CYRIA: variants seen among roughly 807,000 people sequenced by gnomAD.
The protein encoded by CYRIA is CYFIP-related Rac1 interactor A.
CYRIA carries 15 observed loss-of-function variants against 43.9 expected under a neutral mutation model. The ratio of observed to expected loss-of-function variants is 0.34; its 90% CI spans 0.23 to 0.53. The LOEUF (loss-of-function observed/expected upper bound fraction) is 0.53, where lower values mean the gene tolerates loss of function less well. CYRIA is among the 20% of genes least tolerant of loss of function. The pLI, the probability that CYRIA is intolerant of heterozygous loss-of-function variation, is 0.94. For synonymous variants in CYRIA, 117 were observed against 136.0 expected (o/e 0.86, Z 0.97); for missense variants, 236 against 394.2 (o/e 0.60, Z 3.40).
intron 1 of CYRIA, among the ~76,000 whole-genome samples, chr2:16,661,873 A>C (rs1670264593): frequency 6.6e-6 from 1 of 152,198 alleles, no homozygotes; most frequent in Non-Finnish European, 1.5e-5. Context: ...TAACTGTAAA[A>C]TGGGGACAAT....
At chr2:16,566,284 TTCA>T (rs1254681812) in intron 3 of CYRIA, among the ~76,000 whole-genome samples, 1 of 152,220 alleles carries the variant, frequency 6.6e-6, no homozygotes, top group African/African-American at 2.4e-5. Context: ...CATGACTCCT[TTCA>T]TCTTGTAAAA....
chr2:16,634,662 A>C (rs1669437070), intron 1 of CYRIA, among the ~76,000 whole-genome samples: 1 of 96,814 alleles, frequency 1.0e-5, no homozygotes, highest in Non-Finnish European at 1.7e-5. Context: ...TGATAAGGGC[A>C]TGTGTCTGGG....
chr2:16,643,611 A>G (rs1181949119), intron 1 of CYRIA, among the ~76,000 whole-genome samples: 1 of 152,236 alleles, frequency 6.6e-6, no homozygotes, highest in Non-Finnish European at 1.5e-5. Flanking sequence ...CATTACACAT[A>G]TATTCACACC....
chr2:16,552,791 G>A lies in CYRIA; in HGVS notation c.*145C>T, dbSNP rs1666360448. On this transcript the variant is annotated 3_prime_UTR_variant, in exon 12 of 12. Transcript: ENST00000381323. ...TGCTCTGCTGGGTTGAGTCAGTCAG[G>A]ATACAAATTAAGGTCCATATATTTC... 1 of 612,176 alleles carries A rather than the reference G, an allele frequency of 1.6e-6. No individual in the cohort carries two copies. Among genetic ancestry groups the A allele is most frequent in the Non-Finnish European group, 2.9e-6 (1 of 340,656 alleles). 37.9% of individuals were successfully genotyped at this position (612,176 alleles called of 1,614,324 possible). A position where few individuals can be genotyped will look rare whatever the true frequency, so the allele number is the denominator to read the frequency against.
At chr2:16,565,458 T>C (rs1392334196) in intron 4 of CYRIA, among the ~76,000 whole-genome samples, 188 bp downstream of exon 4, 1 of 152,180 alleles carries the variant, frequency 6.6e-6, no homozygotes, top group Non-Finnish European at 1.5e-5. Flanking sequence ...AGTACTGGGA[T>C]TATAGGCGTG....
At chr2:16,563,350 T>G (rs1666818422) in intron 5 of CYRIA, among the ~76,000 whole-genome samples, 1 of 152,124 alleles carries the variant, frequency 6.6e-6, no homozygotes, top group Non-Finnish European at 1.5e-5. Context: ...TATTTCAAGT[T>G]CTCTGTTTTC....
intron 2 of CYRIA, among the ~76,000 whole-genome samples, chr2:16,608,763 C>G (rs1668496509): frequency 6.6e-6 from 1 of 152,174 alleles, no homozygotes; most frequent in Non-Finnish European, 1.5e-5. Flanking sequence ...CCTTGCATTT[C>G]AAAAATTGCA....
intron 2 of CYRIA, among the ~76,000 whole-genome samples, chr2:16,605,115 C>A (rs147551438): frequency 8.8e-4 from 67 of 76,136 alleles, no homozygotes; most frequent in Admixed American, 3.9e-3. Context: ...TAAGGCAATT[C>A]ACGGGAATTC....
intron 6 of CYRIA, 23 bp from the exon 7 acceptor site, chr2:16,561,556 G>A (rs1031413652): frequency 1.5e-5 from 24 of 1,587,266 alleles, no homozygotes; most frequent in African/African-American, 1.5e-4. Flanking sequence ...GGACAAGAGC[G>A]AAGGTCATCT....
rs1397244035 is a variant in CYRIA, at chr2:16,565,779, G to A, written c.71-12C>T. 1 of 1,551,016 alleles carries A rather than the reference G, an allele frequency of 6.4e-7. No homozygotes were observed. The highest frequency in any genetic ancestry group is 2.3e-5 in the East Asian group (1 of 43,306). ...TGTAGGCTGAGCATCTAAGAAACAG[G>A]GAAACCGAGAGACAGAGTGCTGGTG... On this transcript the variant is annotated splice_polypyrimidine_tract_variant and intron_variant, in intron 3 of 11. Coordinates refer to ENST00000381323, the MANE Select transcript of CYRIA (RefSeq NM_030797.4).
intron 2 of CYRIA, among the ~76,000 whole-genome samples, chr2:16,609,275 A>C (rs1277386070): frequency 6.6e-6 from 1 of 152,198 alleles, no homozygotes; most frequent in Non-Finnish European, 1.5e-5. Context: ...AAAGCACACA[A>C]GGGGGACCCC....
chr2:16,570,370 C>A (rs1667084640), intron 3 of CYRIA, among the ~76,000 whole-genome samples: 1 of 152,120 alleles, frequency 6.6e-6, no homozygotes, highest in Admixed American at 6.5e-5. Context: ...TGATCTACGG[C>A]CTGAATGTCT....
intron 3 of CYRIA, among the ~76,000 whole-genome samples, chr2:16,569,229 T>G (rs1423010198): frequency 6.6e-6 from 1 of 152,162 alleles, no homozygotes; most frequent in African/African-American, 2.4e-5. Context: ...AACAAATACC[T>G]TCCATCCTAC....
intron 1 of CYRIA, among the ~76,000 whole-genome samples, chr2:16,664,930 C>G (rs1025160652): frequency 6.6e-6 from 1 of 152,230 alleles, no homozygotes; most frequent in African/African-American, 2.4e-5. Flanking sequence ...GACCTGGCAC[C>G]CCCAAAACAG....
chr2:16,661,789 A>G (rs1484897660), intron 1 of CYRIA, among the ~76,000 whole-genome samples: 1 of 152,188 alleles, frequency 6.6e-6, no homozygotes, highest in African/African-American at 2.4e-5. Context: ...AGCAGAACCT[A>G]GCTTTAAATT....
At chr2:16,659,419 G>T (rs1670191956) in intron 1 of CYRIA, among the ~76,000 whole-genome samples, 1 of 152,228 alleles carries the variant, frequency 6.6e-6, no homozygotes, top group Non-Finnish European at 1.5e-5. Flanking sequence ...ACGTTCTTCA[G>T]AAGATTGCTA....
At chr2:16,620,916 C>T (rs908973143) in intron 2 of CYRIA, among the ~76,000 whole-genome samples, 1 of 152,310 alleles carries the variant, frequency 6.6e-6, no homozygotes, top group Non-Finnish European at 1.5e-5. Flanking sequence ...TACATCTCAT[C>T]TCCAGGACTG....
At chr2:16,621,341 C>T (rs1668987820) in intron 2 of CYRIA, among the ~76,000 whole-genome samples, 1 of 152,130 alleles carries the variant, frequency 6.6e-6, no homozygotes, top group Non-Finnish European at 1.5e-5. Context: ...TTACATCAAC[C>T]TACTTTATCG....
chr2:16,621,590 G>A (rs1451299856), intron 2 of CYRIA, among the ~76,000 whole-genome samples: 1 of 152,152 alleles, frequency 6.6e-6, no homozygotes. Context: ...CATTCCACAG[G>A]CTCCTCATTC....
Sources: gnomAD v4.1 joint callset for allele counts (sites outside exome capture counted in the v4.1 genomes callset) on GRCh38, gnomAD v4.1.1 for gene constraint, MANE v1.5 for transcripts, NCBI Gene and HGNC (gene_info 2026-07-23, HGNC 2026-07-21) for gene names.